Variants in CMTR1 observed in about 807,000 individuals in gnomAD.
CMTR1 encodes the protein cap-specific mRNA (nucleoside-2'-O-)-methyltransferase 1.
A neutral mutation model predicts 107.0 loss-of-function variants in CMTR1; 39 were observed. That is an observed-to-expected ratio of 0.36 (90% CI 0.28 to 0.48). The LOEUF (loss-of-function observed/expected upper bound fraction) is 0.48, where lower values mean the gene tolerates loss of function less well. CMTR1 is among the 20% of genes least tolerant of loss of function. The pLI, the probability that CMTR1 is intolerant of heterozygous loss-of-function variation, is 0.99. For synonymous variants in CMTR1, 366 were observed against 379.5 expected, an observed-to-expected ratio of 0.96 and a Z score of 0.41; for missense variants, 672 against 1,064.9, an observed-to-expected ratio of 0.63 and a Z score of 5.14.
At chr6:37,448,104 G>A (rs1050211070) in intron 4 of CMTR1, among the ~76,000 whole-genome samples, 4 of 151,466 alleles carry the variant, frequency 2.6e-5, no homozygotes, top group Admixed American at 6.6e-5. Context: ...CCAGCTACTC[G>A]GGAGGCTGAG....
intron 20 of CMTR1, 130 bp downstream of exon 20, chr6:37,476,324 AT>A: frequency 1.1e-6 from 1 of 948,972 alleles, no homozygotes; most frequent in Non-Finnish European, 1.6e-6. Context: ...CATTCTTGCC[AT>A]GAAGTTTGTT....
chr6:37,438,849 A>G (rs904974457), intron 2 of CMTR1, among the ~76,000 whole-genome samples: 1 of 152,154 alleles, frequency 6.6e-6, no homozygotes, highest in Non-Finnish European at 1.5e-5. Flanking sequence ...CTGTCTACAT[A>G]TCCCCTGAAA....
chr6:37,438,847 A>C (rs1431989326), intron 2 of CMTR1, among the ~76,000 whole-genome samples: 1 of 152,190 alleles, frequency 6.6e-6, no homozygotes, highest in Admixed American at 6.5e-5. Flanking sequence ...TGCTGTCTAC[A>C]TATCCCCTGA....
chr6:37,447,267 G>A (rs1467292613), intron 4 of CMTR1, among the ~76,000 whole-genome samples: 1 of 152,182 alleles, frequency 6.6e-6, no homozygotes, highest in Non-Finnish European at 1.5e-5. Context: ...TCCAGTTCAG[G>A]AAAGAAGTCC....
Position 37,472,963 on chromosome 6 carries a change from C to T in CMTR1, c.1689+476C>T, listed in dbSNP as rs1761660472. 6.6e-6 allele frequency among the ~76,000 whole-genome samples: 1 copy of T among 152,204 alleles called. No individual in the cohort carries two copies. The highest frequency in any genetic ancestry group is 2.4e-5 in the African/African-American group (1 of 41,444). ...TTGCCCTGTTTCTTCTACCACTCAA[C>T]CTCCAGCTTTTACTTGGGCCTCATT... On this transcript the variant is annotated intron_variant, in intron 16 of 23. Transcript: ENST00000373451. This position sits in a 1 kb window ranked among gnomAD's most constrained non-coding sequence, Gnocchi z 4.1.
Position 37,481,084 on chromosome 6 carries a change from C to G in CMTR1, c.*939C>G. On this transcript the variant is annotated 3_prime_UTR_variant, in exon 24 of 24. Transcript: ENST00000373451. ...AATTCTGAGCTTGAAGTGCAGCTCC[C>G]TTACTACCCTTTCCCTTCCTTTTTC... 7.7e-7 allele frequency: 1 copy of G among 1,304,292 alleles called. No individual in the cohort carries two copies. The highest frequency in any genetic ancestry group is 1.0e-6 in the Non-Finnish European group (1 of 988,956). The allele number at this position is 1,304,292 out of a possible 1,614,324, so 80.8% of individuals were successfully genotyped here. A position where few individuals can be genotyped will look rare whatever the true frequency, so the allele number is the denominator to read the frequency against.
intron 8 of CMTR1, among the ~76,000 whole-genome samples, chr6:37,456,224 C>G (rs1761291716): frequency 6.6e-6 from 1 of 152,194 alleles, no homozygotes; most frequent in Non-Finnish European, 1.5e-5. Flanking sequence ...GTGACCCCTG[C>G]CACATTACCA....
Position 37,453,109 on chromosome 6 carries a change from T to C in CMTR1, c.672T>C (p.Tyr224=). ...GAGCTCGGACTCGGGCCAATCCCTA[T>C]GAGATGATCCGAGGAGTCTTCTTTC... ...MRRARTRANP[Y]EMIRGVFFLN... The change falls in exon 7 of 24, where the codon TAT becomes TAC. Residue 224 remains tyrosine, a synonymous_variant. Coordinates refer to ENST00000373451, the MANE Select transcript of CMTR1 (RefSeq NM_015050.3). The C allele has an allele frequency of 6.2e-7, 1 of 1,613,706 alleles. No homozygotes were observed. The highest frequency in any genetic ancestry group is 1.3e-5 in the African/African-American group (1 of 75,024).
At chr6:37,427,700 G>A in the CMTR1 span, among the ~76,000 whole-genome samples, 3 of 152,036 alleles carry the variant, frequency 2.0e-5, no homozygotes, top group Admixed American at 2.0e-4. This position sits in a 1 kb window ranked among gnomAD's most constrained non-coding sequence, Gnocchi z 4.4. Flanking sequence ...GACATTTCCA[G>A]TTTTACTCTG....
At chr6:37,445,975 TAATC>T (rs1361453168) in intron 3 of CMTR1, among the ~76,000 whole-genome samples, 1 of 152,226 alleles carries the variant, frequency 6.6e-6, no homozygotes, top group Non-Finnish European at 1.5e-5. Context: ...GCTTCTCACT[TAATC>T]AGACAAATTA....
At chr6:37,465,736 C>A (rs1051356587) in intron 13 of CMTR1, among the ~76,000 whole-genome samples, 5 of 152,170 alleles carry the variant, frequency 3.3e-5, no homozygotes, top group Non-Finnish European at 7.3e-5. Flanking sequence ...CTCAGGTGAT[C>A]TGCCCACCTA....
At chr6:37,444,192 A>G (rs1429245830) in intron 3 of CMTR1, 42 bp downstream of exon 3, 1 of 1,591,600 alleles carries the variant, frequency 6.3e-7, no homozygotes, top group East Asian at 2.2e-5. Context: ...CCCCACCAGC[A>G]GAGTGAAAGA....
chr6:37,481,070 T>TGA lies in CMTR1; in HGVS notation c.*926_*927dup. ...TAGGGTCTTGGCAGAATTCTGAGCT[T>TGA]GAAGTGCAGCTCCCTTACTACCCTT... On this transcript the variant is annotated 3_prime_UTR_variant, in exon 24 of 24. Transcript: ENST00000373451. The TGA allele has an allele frequency of 7.7e-7, 1 of 1,304,294 alleles. No individual in the cohort carries two copies. The highest frequency in any genetic ancestry group is 1.2e-5 in the South Asian group (1 of 81,028). The allele number at this position is 1,304,294 out of a possible 1,614,324, so 80.8% of individuals were successfully genotyped here.
intron 4 of CMTR1, among the ~76,000 whole-genome samples, chr6:37,448,027 G>A (rs186414301): frequency 6.6e-6 from 1 of 152,036 alleles, no homozygotes; most frequent in East Asian, 1.9e-4. Context: ...TGGCTAACAC[G>A]GTGAAATCCC....
In CMTR1 at chr6:37,472,574, C is replaced by T; in HGVS notation, c.1689+87C>T. 2 of 1,318,538 alleles carry T rather than the reference C, an allele frequency of 1.5e-6. No individual in the cohort carries two copies. Among genetic ancestry groups the T allele is most frequent in the Non-Finnish European group, 2.2e-6 (2 of 914,224 alleles). 81.7% of individuals were successfully genotyped at this position (1,318,538 alleles called of 1,614,324 possible). On this transcript the variant is annotated intron_variant, in intron 16 of 23. Coordinates refer to ENST00000373451, the MANE Select transcript of CMTR1 (RefSeq NM_015050.3). The surrounding 1 kb of genome is among the most constrained non-coding windows in gnomAD (Gnocchi z 4.1). The stretch of plus-strand genomic sequence containing the variant: ...ATCACTGAGGCCCCAGATGCATGGT[C>T]TCCAGAGGGCTTGTGCAGATGCCCA...
chr6:37,462,128 C>T, intron 12 of CMTR1, 26 bp downstream of exon 12: 1 of 1,613,762 alleles, frequency 6.2e-7, no homozygotes, highest in Non-Finnish European at 8.5e-7. Context: ...CTATATTAGC[C>T]AGATTAATTG....
At chr6:37,457,866 A>G (rs2646925) in intron 8 of CMTR1, among the ~76,000 whole-genome samples, 10,916 of 152,152 alleles carry the variant, frequency 0.072, 1,286 homozygotes, top group African/African-American at 0.24. Flanking sequence ...GGCTAGGCCA[A>G]CTGGACCCTG....
In CMTR1 at chr6:37,458,358, T is replaced by C. The variant is rs1370249500; in HGVS notation, c.778-254T>C. ...GCTTGAGCCACCGCGCCTGGCTCCA[T>C]GAAGATGTTTTTATGAGGAGTCTGA... On this transcript the variant is annotated intron_variant, in intron 8 of 23. Transcript: ENST00000373451. The surrounding 1 kb of genome is among the most constrained non-coding windows in gnomAD (Gnocchi z 4.7). Among the ~76,000 whole-genome samples the C allele has an allele frequency of 1.3e-5, 2 of 152,094 alleles. No individual in the cohort carries two copies. Among genetic ancestry groups the C allele is most frequent in the Non-Finnish European group, 2.9e-5 (2 of 68,004 alleles).
At chr6:37,440,152 G>T (rs1039087041) in intron 2 of CMTR1, among the ~76,000 whole-genome samples, 5 of 152,132 alleles carry the variant, frequency 3.3e-5, no homozygotes. Context: ...GTTTTAGGAG[G>T]GGAGCTCCCC....
Sources: allele counts gnomAD v4.1 joint callset (sites outside exome capture counted in the v4.1 genomes callset), GRCh38; gene constraint gnomAD v4.1.1; non-coding constraint Gnocchi (gnomAD v3.1); transcripts MANE v1.5; gene names NCBI Gene and HGNC (gene_info 2026-07-23, HGNC 2026-07-21).